The following LOC128092253 variants were observed in gnomAD, a reference collection of about 807,000 sequenced individuals.
At chr6:133,959,542 C>T in the LOC128092253 span, among the ~76,000 whole-genome samples, 5 of 151,966 alleles carry the variant, frequency 3.3e-5, no homozygotes, top group Admixed American at 1.3e-4. Flanking sequence ...AGTGCAGTGG[C>T]GCGATCTCGG....
At chr6:133,960,210 T>C in the LOC128092253 span, among the ~76,000 whole-genome samples, 4 of 152,322 alleles carry the variant, frequency 2.6e-5, no homozygotes, top group Non-Finnish European at 4.4e-5. Context: ...GACAACCATA[T>C]TGAAGGCACA....
chr6:133,976,201 A>G, the LOC128092253 span, among the ~76,000 whole-genome samples: 1 of 152,180 alleles, frequency 6.6e-6, no homozygotes, highest in Non-Finnish European at 1.5e-5. Context: ...CCTTGCTAAC[A>G]GTTTTTTTTT....
the LOC128092253 span, among the ~76,000 whole-genome samples, chr6:133,953,719 G>A: frequency 1.3e-5 from 2 of 152,132 alleles, no homozygotes; most frequent in Non-Finnish European, 2.9e-5. Flanking sequence ...CCTGGTGTAG[G>A]ATAAGAAAAG....
chr6:133,971,645 A>G, the LOC128092253 span, among the ~76,000 whole-genome samples: 1 of 152,002 alleles, frequency 6.6e-6, no homozygotes, highest in Non-Finnish European at 1.5e-5. Flanking sequence ...GTGAGGTGGT[A>G]TCTCATTGTG....
the LOC128092253 span, among the ~76,000 whole-genome samples, chr6:133,964,552 G>A: frequency 4.6e-5 from 7 of 151,028 alleles, no homozygotes; most frequent in East Asian, 5.9e-4. Flanking sequence ...CCGGGTTCAC[G>A]CCATTCTCCT....
the LOC128092253 span, among the ~76,000 whole-genome samples, chr6:133,966,290 A>C: frequency 4.6e-5 from 7 of 152,310 alleles, no homozygotes; most frequent in African/African-American, 1.7e-4. Flanking sequence ...TCTACCAAGG[A>C]GACTATAAAT....
At chr6:133,968,393 C>T in the LOC128092253 span, among the ~76,000 whole-genome samples, 1 of 152,190 alleles carries the variant, frequency 6.6e-6, no homozygotes, top group African/African-American at 2.4e-5. Flanking sequence ...AATTTCTCAT[C>T]TTTGCGTTTG....
chr6:133,979,930 A>G, the LOC128092253 span, among the ~76,000 whole-genome samples: 1 of 152,210 alleles, frequency 6.6e-6, no homozygotes, highest in Non-Finnish European at 1.5e-5. Flanking sequence ...TACAGACATG[A>G]GCCACTGTGC....
At chr6:133,979,479 C>T in the LOC128092253 span, among the ~76,000 whole-genome samples, 11 of 152,008 alleles carry the variant, frequency 7.2e-5, no homozygotes, top group African/African-American at 2.2e-4. Context: ...ACACCTGGAA[C>T]GTAGTGTTTG....
the LOC128092253 span, among the ~76,000 whole-genome samples, chr6:133,970,526 A>G: frequency 6.6e-6 from 1 of 152,148 alleles, no homozygotes; most frequent in African/African-American, 2.4e-5. Context: ...AGAAATTATT[A>G]TGGAAACTTT....
At chr6:133,977,806 C>G in the LOC128092253 span, among the ~76,000 whole-genome samples, 1 of 152,190 alleles carries the variant, frequency 6.6e-6, no homozygotes, top group Non-Finnish European at 1.5e-5. Context: ...TCTTGTTGTT[C>G]TACCATCCTC....
At chr6:133,967,709 G>A in the LOC128092253 span, among the ~76,000 whole-genome samples, 9 of 152,074 alleles carry the variant, frequency 5.9e-5, no homozygotes, top group South Asian at 2.1e-4. Context: ...GTAGAACTAC[G>A]GTATTATAAT....
At chr6:133,976,899 C>A in the LOC128092253 span, among the ~76,000 whole-genome samples, 1 of 149,440 alleles carries the variant, frequency 6.7e-6, no homozygotes, top group Non-Finnish European at 1.5e-5. Flanking sequence ...ATCCAGGAGG[C>A]GGAGGTTGCC....
chr6:133,975,191 A>G, the LOC128092253 span, among the ~76,000 whole-genome samples: 1 of 152,206 alleles, frequency 6.6e-6, no homozygotes, highest in African/African-American at 2.4e-5. Context: ...GACGAGAGCA[A>G]TAAAAAGCAG....
the LOC128092253 span, among the ~76,000 whole-genome samples, chr6:133,957,575 G>T: frequency 3.3e-5 from 5 of 152,226 alleles, no homozygotes; most frequent in African/African-American, 1.2e-4. Context: ...TATTTTCACT[G>T]TGAGACAGAA....
the LOC128092253 span, among the ~76,000 whole-genome samples, chr6:133,978,878 G>A: frequency 6.6e-6 from 1 of 152,084 alleles, no homozygotes; most frequent in Non-Finnish European, 1.5e-5. Context: ...TTTTTACATT[G>A]TGGCTGCAAG....
chr6:133,953,650 G>T, the LOC128092253 span, among the ~76,000 whole-genome samples: 1 of 152,090 alleles, frequency 6.6e-6, no homozygotes, highest in South Asian at 2.1e-4. Context: ...GATATTTGGG[G>T]ATCTCTTTAG....
chr6:133,968,399 G>A, the LOC128092253 span, among the ~76,000 whole-genome samples: 35 of 152,130 alleles, frequency 2.3e-4, no homozygotes, highest in African/African-American at 7.5e-4. Flanking sequence ...TCATCTTTGC[G>A]TTTGAATTTC....
the LOC128092253 span, among the ~76,000 whole-genome samples, chr6:133,975,446 T>A: frequency 6.6e-6 from 1 of 152,180 alleles, no homozygotes; most frequent in Non-Finnish European, 1.5e-5. Context: ...GTCTTAAAAA[T>A]TTATCAAACA....
Sources: allele counts gnomAD v4.1 joint callset (sites outside exome capture counted in the v4.1 genomes callset), GRCh38; gene constraint gnomAD v4.1.1; transcripts MANE v1.5.